MPRIP: variants seen among roughly 807,000 people sequenced by gnomAD.
MPRIP encodes myosin phosphatase Rho-interacting protein.
A neutral mutation model predicts 234.9 loss-of-function variants in MPRIP; 59 were observed. The observed-to-expected ratio is 0.25, with a 90% CI of 0.20 to 0.31. MPRIP has a LOEUF of 0.31. Ranked by LOEUF, MPRIP falls within the 10% of genes least tolerant of loss-of-function variation. MPRIP has a pLI of 1.00. For missense variants in MPRIP, 2,436 were observed against 3,071.0 expected (o/e 0.79, Z 4.89); for synonymous variants, 1,144 against 1,263.9 (o/e 0.91, Z 2.01).
intron 3 of MPRIP, among the ~76,000 whole-genome samples, chr17:17,111,481 C>G (rs749245895): frequency 3.9e-5 from 6 of 152,286 alleles, no homozygotes; most frequent in Non-Finnish European, 8.8e-5. Context: ...TTCCCATCTC[C>G]CCTGCAGCCT....
At chr17:17,074,976 T>C (rs1427787131) in intron 1 of MPRIP, among the ~76,000 whole-genome samples, 1 of 152,154 alleles carries the variant, frequency 6.6e-6, no homozygotes, top group Non-Finnish European at 1.5e-5. Context: ...TGAGCCCCTG[T>C]TTTCCGTTTT....
chr17:17,044,300 A>G (rs1597702768), intron 1 of MPRIP, among the ~76,000 whole-genome samples: 1 of 152,200 alleles, frequency 6.6e-6, no homozygotes, highest in African/African-American at 2.4e-5. Context: ...GGAGAACTTG[A>G]TTCCTTCTTC....
At chr17:17,122,952 A>C (rs56066973) in intron 3 of MPRIP, among the ~76,000 whole-genome samples, 13,339 of 152,312 alleles carry the variant, frequency 0.088, 745 homozygotes, top group Middle Eastern at 0.16. Context: ...GTAGCCAAAA[A>C]ATGGAAACAG....
chr17:17,125,397 T>C (rs1042580596), intron 3 of MPRIP, among the ~76,000 whole-genome samples: 12 of 152,238 alleles, frequency 7.9e-5, no homozygotes, highest in Admixed American at 7.2e-4. Flanking sequence ...GAAAGGCTTC[T>C]TGGACCTGGA....
chr17:17,084,488 G>C (rs901568510), intron 3 of MPRIP, among the ~76,000 whole-genome samples: 8 of 152,258 alleles, frequency 5.3e-5, no homozygotes, highest in African/African-American at 1.7e-4. Flanking sequence ...CCATTTCACA[G>C]TTGAAAAGAC....
Position 17,164,124 on chromosome 17 carries a change from T to C in MPRIP, c.2533T>C (p.Ser845Pro), listed in dbSNP as rs1003761484. The change falls in exon 16 of 24, where the codon TCC (serine) becomes CCC (proline). Residue 845 changes from serine (S) to proline (P), a missense_variant. By Grantham distance (74) the Ser-to-Pro change is moderately conservative. Transcript: ENST00000651222. ...GYVLQTEVAASPSGAWQRLHR... is the reference protein window; with the variant it reads ...GYVLQTEVAAPPSGAWQRLHR... ...TTTTTTTAAGACTGAAGTGGCCGCC[T>C]CCCCATCGGGTGCCTGGCAGAGGCT... 6.9e-6 allele frequency: 9 copies of C among 1,304,040 alleles called. No homozygotes were observed. The highest frequency in any genetic ancestry group is 9.1e-6 in the Non-Finnish European group (9 of 988,956). The allele number at this position is 1,304,040 out of a possible 1,614,324, so 80.8% of individuals were successfully genotyped here. A position where few individuals can be genotyped will look rare whatever the true frequency, so the allele number is the denominator to read the frequency against.
chr17:17,062,021 T>C (rs2088883110), intron 1 of MPRIP, among the ~76,000 whole-genome samples: 1 of 152,124 alleles, frequency 6.6e-6, no homozygotes, highest in African/African-American at 2.4e-5. Flanking sequence ...TGTATTTTTC[T>C]ACTGTAGATT....
intron 3 of MPRIP, among the ~76,000 whole-genome samples, chr17:17,084,157 C>G (rs1002806438): frequency 5.9e-5 from 9 of 152,210 alleles, no homozygotes; most frequent in Non-Finnish European, 1.0e-4. Context: ...CTTTGGGAAC[C>G]ATAGTGGCTG....
chr17:17,130,422 CCT>C (rs1429686447), intron 4 of MPRIP, among the ~76,000 whole-genome samples: 1 of 150,964 alleles, frequency 6.6e-6, no homozygotes, highest in Non-Finnish European at 1.5e-5. Context: ...TCTCTTCGCT[CCT>C]CTATCCCTTT....
intron 3 of MPRIP, among the ~76,000 whole-genome samples, chr17:17,121,603 G>A (rs565100794): frequency 1.7e-4 from 26 of 152,326 alleles, no homozygotes; most frequent in African/African-American, 5.8e-4. Flanking sequence ...CTTCCCCATC[G>A]GCAGCAGGGG....
chr17:17,154,557 C>T (rs2045685895), intron 13 of MPRIP, 142 bp downstream of exon 13: 1 of 670,494 alleles, frequency 1.5e-6, no homozygotes, highest in Non-Finnish European at 2.7e-6. Flanking sequence ...CTGTGTCCTT[C>T]TGTTGCTCAG....
intron 4 of MPRIP, among the ~76,000 whole-genome samples, chr17:17,131,026 G>A (rs2090586597): frequency 6.6e-6 from 1 of 152,174 alleles, no homozygotes; most frequent in Non-Finnish European, 1.5e-5. Flanking sequence ...GTGTTCCCTT[G>A]CTGCACCCCT....
chr17:17,167,421 C>G lies in MPRIP; in HGVS notation c.5830C>G (p.Leu1944Val). Residue 1944 changes from leucine to valine, a missense_variant, in exon 16 of 24, where the codon CTG becomes GTG. Leu to Val is a conservative substitution (Grantham distance 32). Coordinates refer to ENST00000651222, the MANE Select transcript of MPRIP (RefSeq NM_001364716.4). The surrounding 1 kb of genome is among the most constrained non-coding windows in gnomAD (Gnocchi z 5.9). ...ESKHSMSMFT[L>V]RGRYEEEIRC... ...CAAGCACAGCATGAGCATGTTCACC[C>G]TGCGGGGCAGGTATGAGGAGGAGAT... 3 of 1,304,236 alleles carry G rather than the reference C, an allele frequency of 2.3e-6. No individual in the cohort carries two copies. The highest frequency in any genetic ancestry group is 3.0e-6 in the Non-Finnish European group (3 of 988,958). The allele number at this position is 1,304,236 out of a possible 1,614,324, so 80.8% of individuals were successfully genotyped here. A position where few individuals can be genotyped will look rare whatever the true frequency, so the allele number is the denominator to read the frequency against.
chr17:17,179,393 G>A (rs1398775643), intron 22 of MPRIP, among the ~76,000 whole-genome samples: 4 of 150,830 alleles, frequency 2.7e-5, no homozygotes, highest in African/African-American at 4.9e-5. Context: ...GTTGCAGTGA[G>A]CTGCTGAGTT....
chr17:17,077,785 G>T, intron 2 of MPRIP: 2 of 459,886 alleles, frequency 4.3e-6, no homozygotes, highest in South Asian at 2.9e-5. Flanking sequence ...TTCTTATTAA[G>T]CCTCAATCAC....
At chr17:17,120,849 G>T (rs905118772) in intron 3 of MPRIP, among the ~76,000 whole-genome samples, 3 of 152,172 alleles carry the variant, frequency 2.0e-5, no homozygotes, top group Non-Finnish European at 4.4e-5. Context: ...CTGGATTTGG[G>T]TTACAGCCTA....
rs3744140 is a variant in MPRIP at position 17,138,162 on chromosome 17, G to A, written c.983G>A (p.Ser328Asn). ...CGACTCCCCCACCAAATGGTCTGCA[G>A]CATCTCCCTCAGCTCCCTGGATGTG... The part of the protein sequence containing the change: ...GPRLPHQMVC[S>N]ISLSSLDVAS... Residue 328 changes from serine (S) to asparagine (N), a missense_variant, in exon 7 of 24, where the codon AGC becomes AAC. By Grantham distance (46) the Ser-to-Asn change is conservative (BLOSUM62 1). Coordinates refer to ENST00000651222, the MANE Select transcript of MPRIP (RefSeq NM_001364716.4). The surrounding 1 kb of genome is among the most constrained non-coding windows in gnomAD (Gnocchi z 5.8). 0.064 allele frequency: 78,923 copies of A among 1,241,444 alleles called. 3,936 individuals carry two copies. The highest frequency in any genetic ancestry group is 0.19 in the East Asian group (7,505 of 38,652). The allele number at this position is 1,241,444 out of a possible 1,614,324, so 76.9% of individuals were successfully genotyped here.
In MPRIP at chr17:17,115,478, T is replaced by G. The variant is rs546408411; in HGVS notation, c.268-11224T>G. On this transcript the variant is annotated intron_variant, in intron 3 of 23. Coordinates refer to ENST00000651222, the MANE Select transcript of MPRIP (RefSeq NM_001364716.4). ...TTCTCGTGATGGAGCCATGAAGGCC[T>G]GTTGGAAGGCCTGGCCTGCTTGCTG... is the stretch of plus-strand genomic sequence containing the variant. Among the ~76,000 whole-genome samples the G allele has an allele frequency of 2.6e-5, 4 of 152,338 alleles. No homozygotes were observed. The South Asian group carries it at 8.3e-4, about 32-fold the overall frequency.
At chr17:17,130,444 CCTCCT>C (rs1177970343) in intron 4 of MPRIP, among the ~76,000 whole-genome samples, 1 of 151,768 alleles carries the variant, frequency 6.6e-6, no homozygotes, top group Non-Finnish European at 1.5e-5. Flanking sequence ...TTCCCCCTCC[CCTCCT>C]CTCCTCTCCA....
Sources: allele counts gnomAD v4.1 joint callset (sites outside exome capture counted in the v4.1 genomes callset), GRCh38; gene constraint gnomAD v4.1.1; non-coding constraint Gnocchi (gnomAD v3.1); transcripts MANE v1.5; gene names NCBI Gene and HGNC (gene_info 2026-07-23, HGNC 2026-07-21).